The following FSTL4 variants were observed in gnomAD, a reference collection of about 807,000 sequenced individuals.
FSTL4 encodes the protein follistatin like 4.
In FSTL4, 28 loss-of-function variants were observed where a neutral mutation model predicts 78.2. The observed-to-expected ratio is 0.36, with a 90% CI of 0.27 to 0.49. The LOEUF is 0.49. Among genes scored for constraint, FSTL4 ranks in the 20% least tolerant of loss-of-function variants. FSTL4 has a pLI of 0.98. For synonymous variants in FSTL4, 422 were observed against 440.5 expected, an observed-to-expected ratio of 0.96 and a Z score of 0.53; for missense variants, 922 against 1,084.9, an observed-to-expected ratio of 0.85 and a Z score of 2.11.
the FSTL4 span, among the ~76,000 whole-genome samples, chr5:133,693,852 G>T: frequency 6.6e-6 from 1 of 152,172 alleles, no homozygotes; most frequent in South Asian, 2.1e-4. Flanking sequence ...AAGGTAGTGG[G>T]GGGTTGCTAT....
At chr5:133,289,023 C>G (rs549584229) in intron 6 of FSTL4, among the ~76,000 whole-genome samples, 22 of 152,282 alleles carry the variant, frequency 1.4e-4, no homozygotes, top group African/African-American at 5.3e-4. Flanking sequence ...GGAGGAGGCC[C>G]TTGGGCAAGG....
intron 6 of FSTL4, among the ~76,000 whole-genome samples, chr5:133,280,008 A>G (rs1171726768): frequency 3.3e-5 from 5 of 152,210 alleles, no homozygotes; most frequent in Admixed American, 3.3e-4. Context: ...TGGAAGAGGC[A>G]AGGGCCTGGA....
the FSTL4 span, among the ~76,000 whole-genome samples, chr5:133,729,615 A>C: frequency 6.6e-6 from 1 of 152,284 alleles, no homozygotes; most frequent in African/African-American, 2.4e-5. Flanking sequence ...TTTAACTTCA[A>C]GCCCAAGATC....
At chr5:133,356,799 G>A (rs1050228269) in intron 4 of FSTL4, among the ~76,000 whole-genome samples, 5 of 152,226 alleles carry the variant, frequency 3.3e-5, no homozygotes, top group African/African-American at 9.6e-5. Context: ...CTTTTTGGCA[G>A]GGGACCCCTC....
intron 7 of FSTL4, chr5:133,247,452 A>C (rs1416641485): frequency 2.0e-5 from 3 of 152,218 alleles, no homozygotes. Flanking sequence ...AGTAATGCAC[A>C]TGAAATGCTC....
At chr5:133,375,886 G>C (rs920064869) in intron 4 of FSTL4, among the ~76,000 whole-genome samples, 1 of 152,222 alleles carries the variant, frequency 6.6e-6, no homozygotes, top group Admixed American at 6.5e-5. Flanking sequence ...CATGGCCTTA[G>C]AGAGCACACA....
chr5:133,532,046 T>C (rs1427476465), intron 3 of FSTL4, among the ~76,000 whole-genome samples: 1 of 152,158 alleles, frequency 6.6e-6, no homozygotes, highest in African/African-American at 2.4e-5. Context: ...GGATCTTGGA[T>C]GGAAAAATTA....
At chr5:133,464,858 A>G (rs1355005997) in intron 3 of FSTL4, among the ~76,000 whole-genome samples, 1 of 152,200 alleles carries the variant, frequency 6.6e-6, no homozygotes, top group Non-Finnish European at 1.5e-5. Flanking sequence ...TAGTAATTTA[A>G]GTGGGACCTT....
intron 3 of FSTL4, among the ~76,000 whole-genome samples, chr5:133,535,927 C>T (rs530783978): frequency 6.6e-6 from 1 of 152,116 alleles, no homozygotes; most frequent in Non-Finnish European, 1.5e-5. Context: ...GCATATGGCA[C>T]TAGGTTATTA....
chr5:133,498,501 G>A (rs1251588671), intron 3 of FSTL4, among the ~76,000 whole-genome samples: 3 of 152,092 alleles, frequency 2.0e-5, no homozygotes, highest in African/African-American at 4.8e-5. Context: ...GGCAGATCAC[G>A]AGAGGCTGGG....
At chr5:133,841,005 A>AC in the FSTL4 span, among the ~76,000 whole-genome samples, 1 of 152,256 alleles carries the variant, frequency 6.6e-6, no homozygotes, top group African/African-American at 2.4e-5. Flanking sequence ...ACAAGGCGGC[A>AC]ATGTCTACAA....
At chr5:133,745,713 C>T in the FSTL4 span, among the ~76,000 whole-genome samples, 2 of 152,250 alleles carry the variant, frequency 1.3e-5, no homozygotes, top group African/African-American at 4.8e-5. Flanking sequence ...CACAAACCAA[C>T]TTCCATTCCA....
At chr5:133,569,542 G>A (rs1322614854) in intron 2 of FSTL4, among the ~76,000 whole-genome samples, 12 of 152,232 alleles carry the variant, frequency 7.9e-5, no homozygotes, top group African/African-American at 2.2e-4. Context: ...TTGGGATGGC[G>A]CCAGTATCTT....
At chr5:133,466,960 ATGTG>A (rs1421125154) in intron 3 of FSTL4, among the ~76,000 whole-genome samples, 1 of 131,638 alleles carries the variant, frequency 7.6e-6, no homozygotes, top group East Asian at 2.0e-4. Flanking sequence ...GAGTGACTGT[ATGTG>A]TGTGTATGTG....
At chr5:133,435,123 T>G (rs1298861331) in intron 3 of FSTL4, among the ~76,000 whole-genome samples, 1 of 152,248 alleles carries the variant, frequency 6.6e-6, no homozygotes, top group Non-Finnish European at 1.5e-5. Context: ...TCTAATTGTA[T>G]CTTCCTTTTT....
chr5:133,560,655 T>G (rs34795933), intron 3 of FSTL4, among the ~76,000 whole-genome samples: 1 of 150,234 alleles, frequency 6.7e-6, no homozygotes, highest in African/African-American at 2.4e-5. Flanking sequence ...TGAGCCACCG[T>G]GCCCGGTCGT....
At chr5:133,548,431 A>C (rs1199644188) in intron 3 of FSTL4, among the ~76,000 whole-genome samples, 1 of 152,220 alleles carries the variant, frequency 6.6e-6, no homozygotes, top group Non-Finnish European at 1.5e-5. Flanking sequence ...CAGACTACAC[A>C]AAAAGGCTTT....
intron 5 of FSTL4, among the ~76,000 whole-genome samples, chr5:133,314,837 G>C (rs1753865486): frequency 6.6e-6 from 1 of 152,104 alleles, no homozygotes; most frequent in Non-Finnish European, 1.5e-5. Flanking sequence ...AAATGATGAT[G>C]ATGGCAACAA....
At chr5:133,577,459 C>A (rs1280064051) in intron 2 of FSTL4, among the ~76,000 whole-genome samples, 1 of 152,012 alleles carries the variant, frequency 6.6e-6, no homozygotes, top group Admixed American at 6.6e-5. Context: ...CCTTAAAGAA[C>A]AGTCAAAGGT....
Sources: allele counts gnomAD v4.1 joint callset (sites outside exome capture counted in the v4.1 genomes callset), GRCh38; gene constraint gnomAD v4.1.1; transcripts MANE v1.5; gene names NCBI Gene and HGNC (gene_info 2026-07-23, HGNC 2026-07-21).